APBB2: variants seen among roughly 807,000 people sequenced by gnomAD.
The protein encoded by APBB2 is Fe65-like 1.
A neutral mutation model predicts 82.5 loss-of-function variants in APBB2; 38 were observed. That is an observed-to-expected ratio of 0.46 (90% CI 0.36 to 0.60). The LOEUF (loss-of-function observed/expected upper bound fraction) is 0.60, where lower values mean the gene tolerates loss of function less well. Ranked by LOEUF, APBB2 falls within the 20% of genes least tolerant of loss-of-function variation. The pLI is 0.00. For missense variants in APBB2, 772 were observed against 972.3 expected, an observed-to-expected ratio of 0.79 and a Z score of 2.74; for synonymous variants, 341 against 368.2, an observed-to-expected ratio of 0.93 and a Z score of 0.85.
Position 40,984,624 on chromosome 4 carries a change from A to T in APBB2, c.835+28959T>A, listed in dbSNP as rs967912994. ...GAGTGATAAGCGTTCTTCTAGAGCT[A>T]TCTAGGCCCCTGGAACCCTCAAGGA... On this transcript the variant is annotated intron_variant, in intron 6 of 17. Transcript: ENST00000508593. 5.9e-5 allele frequency among the ~76,000 whole-genome samples: 9 copies of T among 152,298 alleles called. No homozygotes were observed. In the South Asian group the frequency reaches 1.0e-3, roughly 18 times the overall value.
At chr4:41,056,865 T>C (rs1728026850) in intron 4 of APBB2, among the ~76,000 whole-genome samples, 3 of 152,202 alleles carry the variant, frequency 2.0e-5, no homozygotes, top group Admixed American at 2.0e-4. Flanking sequence ...TACCCCTAAC[T>C]AAGCCCAAGA....
chr4:41,012,685 T>A (rs143426082), intron 6 of APBB2, among the ~76,000 whole-genome samples: 2 of 152,208 alleles, frequency 1.3e-5, no homozygotes, highest in Non-Finnish European at 2.9e-5. Flanking sequence ...GGTGGTTCTA[T>A]CTATTTTCTT....
chr4:41,122,324 C>T (rs1753086781), intron 2 of APBB2, among the ~76,000 whole-genome samples: 1 of 152,174 alleles, frequency 6.6e-6, no homozygotes, highest in Admixed American at 6.5e-5. Flanking sequence ...TTTTCCTCCA[C>T]AATAGAAGCT....
intron 5 of APBB2, among the ~76,000 whole-genome samples, chr4:41,015,562 T>C (rs1335262582): frequency 1.3e-5 from 2 of 152,214 alleles, no homozygotes; most frequent in African/African-American, 4.8e-5. Context: ...TATCTCTCCA[T>C]CACCAAATAC....
chr4:40,987,573 G>A lies in APBB2; in HGVS notation c.835+26010C>T, dbSNP rs76134595. On this transcript the variant is annotated intron_variant, in intron 6 of 17. Transcript: ENST00000508593. ...ACTCTTTGAAATGTATTTAAAATTA[G>A]ATAGTCATCTTTTCTGCAAAATGAA... Among the ~76,000 whole-genome samples the A allele has an allele frequency of 6.6e-5, 10 of 152,152 alleles. 1 individual carries two copies. In the East Asian group the frequency reaches 1.9e-3, roughly 29 times the overall value.
At chr4:41,005,018 T>C (rs750440523) in intron 6 of APBB2, among the ~76,000 whole-genome samples, 1 of 152,168 alleles carries the variant, frequency 6.6e-6, no homozygotes. Flanking sequence ...TGCATTTCAA[T>C]TCCCCATGGA....
chr4:41,102,498 G>C (rs1280588962), intron 2 of APBB2, among the ~76,000 whole-genome samples: 1 of 152,144 alleles, frequency 6.6e-6, no homozygotes. Context: ...AGTGTAACTC[G>C]AATTTCATGT....
Position 41,192,363 on chromosome 4 carries a change from C to T in APBB2, c.-417+22042G>A, listed in dbSNP as rs184966104. On this transcript the variant is annotated intron_variant, in intron 1 of 17. Transcript: ENST00000508593. ...GCCATGTTCATTGTAGGATTACTTACAATAGCCAAGATACGGAAACAACCT... is the reference window on the plus strand; with the variant it reads ...GCCATGTTCATTGTAGGATTACTTATAATAGCCAAGATACGGAAACAACCT... Among the ~76,000 whole-genome samples, 279 of 152,262 alleles carry T rather than the reference C, an allele frequency of 1.8e-3. 2 individuals are homozygous for T. The highest frequency in any genetic ancestry group is 6.4e-3 in the African/African-American group (268 of 41,556).
At chr4:40,857,118 C>G (rs549008286) in intron 12 of APBB2, 111 of 985,348 alleles carry the variant, frequency 1.1e-4, no homozygotes, top group Non-Finnish European at 1.3e-4. Flanking sequence ...GCGGTGCCGT[C>G]GCTCAAGCAG....
chr4:40,893,257 C>T lies in APBB2; in HGVS notation c.1401+8G>A. 1 of 1,612,508 alleles carries T rather than the reference C, an allele frequency of 6.2e-7. No homozygotes were observed. Among genetic ancestry groups the T allele is most frequent in the Non-Finnish European group, 8.5e-7 (1 of 1,179,342 alleles). On this transcript the variant is annotated splice_region_variant and intron_variant, in intron 11 of 17. Transcript: ENST00000508593. ...AGCCTGCCGTGCATCATTCTACATGCCACTTACCTCTCCCCAAATCCCGAC... is the reference window on the plus strand; with the variant it reads ...AGCCTGCCGTGCATCATTCTACATGTCACTTACCTCTCCCCAAATCCCGAC...
intron 6 of APBB2, among the ~76,000 whole-genome samples, chr4:40,957,613 C>T (rs1471276589): frequency 3.4e-5 from 5 of 148,350 alleles, no homozygotes; most frequent in Admixed American, 2.0e-4. Flanking sequence ...GGCGGAGTTT[C>T]GCTCTTGTTG....
rs185961988 is a variant in APBB2 at position 40,964,936 on chromosome 4, C to T, written c.836-19863G>A. On this transcript the variant is annotated intron_variant, in intron 6 of 17. Coordinates refer to ENST00000508593, the MANE Select transcript of APBB2 (RefSeq NM_004307.2). ...GAGATCGAGACCATCCTGGCTAACA[C>T]AGTGAAACCCCGTCTCTACTAAAAA... Among the ~76,000 whole-genome samples the T allele has an allele frequency of 2.1e-3, 320 of 152,134 alleles. 1 individual carries two copies. The highest frequency in any genetic ancestry group is 7.1e-3 in the African/African-American group (295 of 41,526).
At chr4:40,828,483 C>T (rs1030051198) in intron 13 of APBB2, among the ~76,000 whole-genome samples, 5 of 152,108 alleles carry the variant, frequency 3.3e-5, no homozygotes, top group Admixed American at 2.0e-4. Context: ...AGAGGGCTGC[C>T]GACAAGAATA....
In APBB2 at chr4:40,964,777, A is replaced by ACACACACACACACAC. The variant is rs1560401538; in HGVS notation, c.836-19705_836-19704insGTGTGTGTGTGTGTG. ...AAACACACACACACACACACACACA[A>ACACACACACACACAC]CAATGCACATTGCAAGTATAGTTTT... On this transcript the variant is annotated intron_variant, in intron 6 of 17. Transcript: ENST00000508593. 7.4e-3 allele frequency among the ~76,000 whole-genome samples: 33 copies of ACACACACACACACAC among 4,454 alleles called. 1 individual carries two copies. Among genetic ancestry groups the ACACACACACACACAC allele is most frequent in the African/African-American group, 0.012 (33 of 2,822 alleles). The allele number at this position is 4,454 out of a possible 152,430, so 2.9% of individuals were successfully genotyped here.
At chr4:41,132,278 A>G (rs1446832922) in intron 2 of APBB2, among the ~76,000 whole-genome samples, 1 of 152,196 alleles carries the variant, frequency 6.6e-6, no homozygotes, top group Non-Finnish European at 1.5e-5. Context: ...GCCTATCAAG[A>G]GTTGAAGAGT....
At chr4:41,011,491 C>T (rs1411688012) in intron 6 of APBB2, among the ~76,000 whole-genome samples, 5 of 152,202 alleles carry the variant, frequency 3.3e-5, no homozygotes, top group Non-Finnish European at 4.4e-5. Flanking sequence ...AGTGCAGTGG[C>T]GGGATCTTGG....
At chr4:41,140,407 T>G (rs1002340488) in intron 2 of APBB2, among the ~76,000 whole-genome samples, 12 of 152,254 alleles carry the variant, frequency 7.9e-5, no homozygotes, top group African/African-American at 2.9e-4. Context: ...TTAATGTTTT[T>G]TAATGTTCCT....
chr4:40,961,680 A>ATGT (rs1793321719), intron 6 of APBB2, among the ~76,000 whole-genome samples: 1 of 118,526 alleles, frequency 8.4e-6, no homozygotes, highest in Non-Finnish European at 1.8e-5. Context: ...AAAAAAAAAA[A>ATGT]AAAAAAAAAA....
intron 4 of APBB2, among the ~76,000 whole-genome samples, chr4:41,041,666 T>A (rs59703071): frequency 0.14 from 22,005 of 152,220 alleles, 1,643 homozygotes; most frequent in Middle Eastern, 0.2. Context: ...CCAATTTCTT[T>A]ATCTTTCGCA....
Sources: gnomAD v4.1 joint callset for allele counts (sites outside exome capture counted in the v4.1 genomes callset) on GRCh38, gnomAD v4.1.1 for gene constraint, MANE v1.5 for transcripts, NCBI Gene and HGNC (gene_info 2026-07-23, HGNC 2026-07-21) for gene names.